The following DARS1 variants were observed in gnomAD, a reference collection of about 807,000 sequenced individuals.
DARS1 encodes aspartyl-tRNA synthetase 1.
DARS1 carries 51 observed loss-of-function variants against 68.8 expected under a neutral mutation model. That is an observed-to-expected ratio of 0.74 (90% CI 0.59 to 0.94). DARS1 has a LOEUF of 0.94. DARS1 is among the 40% of genes least tolerant of loss of function. The pLI is 0.00. For synonymous variants in DARS1, 203 were observed against 190.4 expected, an observed-to-expected ratio of 1.07 and a Z score of -0.55; for missense variants, 607 against 597.3, an observed-to-expected ratio of 1.02 and a Z score of -0.17.
intron 6 of DARS1, 111 bp from the exon 7 acceptor site, chr2:135,932,953 C>G: frequency 1.7e-6 from 1 of 592,468 alleles, no homozygotes; most frequent in Non-Finnish European, 2.9e-6. Flanking sequence ...GATGTGTGTA[C>G]GTTAATATTA....
intron 10 of DARS1, 47 bp downstream of exon 10, chr2:135,920,406 C>A: frequency 6.5e-7 from 1 of 1,537,240 alleles, no homozygotes; most frequent in Non-Finnish European, 8.7e-7. Context: ...TTAAAGGGCC[C>A]AAACATTTGA....
Position 135,920,573 on chromosome 2 carries a change from T to A in DARS1, c.839A>T (p.His280Leu), listed in dbSNP as rs527236040. Residue 280 changes from histidine to leucine, a missense_variant, in exon 10 of 16, where the codon CAT (histidine) becomes CTT (leucine). His to Leu is a moderately conservative substitution (Grantham distance 99, BLOSUM62 -3). Coordinates refer to ENST00000264161, the MANE Select transcript of DARS1 (RefSeq NM_001349.4). ...PVFRAEDSNT[H>L]RHLTEFVGLD... Reference sequence around the variant, plus strand: ...ACCAACAAACTCAGTTAGATGTCTATGGGTATTAGAGTCTTCCGCTCTGAA... The same window carrying A: ...ACCAACAAACTCAGTTAGATGTCTAAGGGTATTAGAGTCTTCCGCTCTGAA... The A allele has an allele frequency of 6.8e-6, 11 of 1,613,182 alleles. No homozygotes were observed. The highest frequency in any genetic ancestry group is 6.7e-5 in the Admixed American group (4 of 59,918).
chr2:135,948,162 G>C (rs1326194688), intron 4 of DARS1, among the ~76,000 whole-genome samples: 1 of 152,152 alleles, frequency 6.6e-6, no homozygotes, highest in Non-Finnish European at 1.5e-5. Flanking sequence ...GAAAATAGAA[G>C]CTGTTTTTCC....
At chr2:135,922,975 CA>C in intron 8 of DARS1, 57 bp from the exon 9 acceptor site, 1 of 1,348,066 alleles carries the variant, frequency 7.4e-7, no homozygotes, top group Non-Finnish European at 9.5e-7. Context: ...CTTATCAATG[CA>C]AACCTCTAGT....
chr2:135,944,465 T>C (rs1575395674), intron 4 of DARS1, among the ~76,000 whole-genome samples: 1 of 152,048 alleles, frequency 6.6e-6, no homozygotes, highest in Non-Finnish European at 1.5e-5. Context: ...TCCATTTCAA[T>C]GAAAAAGGAT....
intron 3 of DARS1, among the ~76,000 whole-genome samples, chr2:135,965,451 A>C (rs1452822684): frequency 6.6e-6 from 1 of 152,246 alleles, no homozygotes; most frequent in African/African-American, 2.4e-5. Flanking sequence ...TAGTAAGTAA[A>C]TACCGTATAA....
intron 4 of DARS1, among the ~76,000 whole-genome samples, chr2:135,944,204 T>C (rs1681668658): frequency 6.6e-6 from 1 of 152,216 alleles, no homozygotes; most frequent in Non-Finnish European, 1.5e-5. Context: ...TTTTAATCAC[T>C]AGTACATAAC....
At chr2:135,938,194 C>T (rs1312864464) in intron 5 of DARS1, among the ~76,000 whole-genome samples, 1 of 152,144 alleles carries the variant, frequency 6.6e-6, no homozygotes, top group Non-Finnish European at 1.5e-5. Context: ...TTTCTTTTTA[C>T]TCTTTTTTCT....
intron 4 of DARS1, among the ~76,000 whole-genome samples, chr2:135,950,569 G>A (rs1423219082): frequency 2.0e-5 from 3 of 152,176 alleles, no homozygotes; most frequent in African/African-American, 7.2e-5. Context: ...TGTTGGTGAT[G>A]TACTGTTTTT....
chr2:135,913,918 CTCTAG>C (rs1680948793), intron 12 of DARS1, among the ~76,000 whole-genome samples: 1 of 152,144 alleles, frequency 6.6e-6, no homozygotes, highest in Admixed American at 6.5e-5. Flanking sequence ...AATATCAGTT[CTCTAG>C]TCTAACAGTT....
chr2:135,917,900 C>A (rs889938961), intron 10 of DARS1, among the ~76,000 whole-genome samples: 15 of 151,552 alleles, frequency 9.9e-5, no homozygotes, highest in African/African-American at 3.2e-4. Context: ...TTAAAAAGAC[C>A]CCATAATTGA....
intron 4 of DARS1, among the ~76,000 whole-genome samples, chr2:135,943,942 T>C (rs1281033988): frequency 6.6e-6 from 1 of 152,174 alleles, no homozygotes; most frequent in African/African-American, 2.4e-5. Context: ...AAGAGGACAT[T>C]AGCGTGCTGT....
At chr2:135,937,165 T>G (rs1226842842) in intron 5 of DARS1, among the ~76,000 whole-genome samples, 2 of 152,182 alleles carry the variant, frequency 1.3e-5, no homozygotes, top group East Asian at 1.9e-4. Flanking sequence ...CTTGGCTCAC[T>G]GCAACCTCTG....
intron 3 of DARS1, among the ~76,000 whole-genome samples, chr2:135,974,645 G>A (rs1167415971): frequency 6.6e-6 from 1 of 152,092 alleles, no homozygotes; most frequent in African/African-American, 2.4e-5. Flanking sequence ...ATTTAGAACT[G>A]GAATTTCTGC....
intron 3 of DARS1, among the ~76,000 whole-genome samples, chr2:135,974,823 G>A (rs567684589): frequency 2.6e-5 from 4 of 152,088 alleles, no homozygotes; most frequent in Non-Finnish European, 5.9e-5. Context: ...AACAGACTTG[G>A]AGAAAATTAT....
chr2:135,909,076 T>A (rs999314060), intron 15 of DARS1, among the ~76,000 whole-genome samples: 1 of 139,960 alleles, frequency 7.1e-6, no homozygotes, highest in East Asian at 2.1e-4. Flanking sequence ...AAGTGGGAGC[T>A]GAACAATGAG....
intron 9 of DARS1, among the ~76,000 whole-genome samples, chr2:135,922,443 T>C (rs562612298): frequency 1.2e-4 from 19 of 152,190 alleles, no homozygotes; most frequent in Admixed American, 1.3e-4. Flanking sequence ...TTTCAGATGG[T>C]GTATATTTTC....
chr2:135,940,999 C>T (rs1483745996), intron 5 of DARS1, among the ~76,000 whole-genome samples: 4 of 151,918 alleles, frequency 2.6e-5, no homozygotes, highest in Non-Finnish European at 4.4e-5. Context: ...CACTGCTCAA[C>T]AAAATAAAAG....
rs531968247 is a variant in DARS1, at chr2:135,932,989, A to C, written c.505-147T>G. 6 of 543,254 alleles carry C rather than the reference A, an allele frequency of 1.1e-5. 1 individual carries two copies. In the African/African-American group the frequency reaches 1.2e-4, roughly 10 times the overall value. 33.7% of individuals were successfully genotyped at this position (543,254 alleles called of 1,614,324 possible). The stretch of plus-strand genomic sequence containing the variant: ...TGCCCGAAAATCAGATAATGGTAGA[A>C]ACACAAAGTGCGGCCAGAGAGAAGT... On this transcript the variant is annotated intron_variant, in intron 6 of 15. Coordinates refer to ENST00000264161, the MANE Select transcript of DARS1 (RefSeq NM_001349.4).
Sources: gnomAD v4.1 joint callset for allele counts (sites outside exome capture counted in the v4.1 genomes callset) on GRCh38, gnomAD v4.1.1 for gene constraint, MANE v1.5 for transcripts, NCBI Gene and HGNC (gene_info 2026-07-23, HGNC 2026-07-21) for gene names.